The following ARPC1A variants were observed in gnomAD, a reference collection of about 807,000 sequenced individuals.
ARPC1A encodes actin related protein 2/3 complex subunit 1A, also known as actin-related protein 2/3 complex subunit 1A.
In ARPC1A, 8 loss-of-function variants were observed where a neutral mutation model predicts 46.9. That is an observed-to-expected ratio of 0.17 (90% CI 0.10 to 0.31). The LOEUF is 0.31. Among genes scored for constraint, ARPC1A ranks in the 10% least tolerant of loss-of-function variants. The probability of loss-of-function intolerance (pLI) is 1.00; values close to 1 mark genes in which losing one functional copy is unlikely to be tolerated. For missense variants in ARPC1A, 286 were observed against 483.6 expected, an observed-to-expected ratio of 0.59 and a Z score of 3.83; for synonymous variants, 152 against 169.0, an observed-to-expected ratio of 0.90 and a Z score of 0.78.
intron 1 of ARPC1A, 99 bp from the exon 2 acceptor site, chr7:99,333,226 A>G (rs1394491549): frequency 1.0e-5 from 8 of 776,338 alleles, no homozygotes; most frequent in Non-Finnish European, 1.7e-5. Context: ...ACAATGTTTT[A>G]TTTATTTCCG....
intron 5 of ARPC1A, among the ~76,000 whole-genome samples, chr7:99,350,631 CTTTTTTTTTTT>C (rs540737612): frequency 5.9e-5 from 4 of 67,536 alleles, no homozygotes; most frequent in African/African-American, 1.0e-4. Context: ...ATGAGGTGCA[CTTTTTTTTTTT>C]TTTTTTTTTT....
rs549930978 is a variant in ARPC1A, at chr7:99,344,240, G to A, written c.170-53G>A. ...CCAGTGCCACCCACCTGCCTGTGCCGCAGTTGTTTGTCATTGACTGGGCAA... is the reference window on the plus strand; with the variant it reads ...CCAGTGCCACCCACCTGCCTGTGCCACAGTTGTTTGTCATTGACTGGGCAA... On this transcript the variant is annotated intron_variant, in intron 3 of 9. Transcript: ENST00000262942. 137 of 1,569,342 alleles carry A rather than the reference G, an allele frequency of 8.7e-5. 1 individual carries two copies. In the South Asian group the frequency reaches 1.2e-3, roughly 14 times the overall value.
intron 6 of ARPC1A, among the ~76,000 whole-genome samples, chr7:99,355,114 CAA>C (rs76934314): frequency 3.6e-4 from 31 of 85,354 alleles, no homozygotes; most frequent in Non-Finnish European, 3.9e-4. Context: ...AACTCCGTCT[CAA>C]AAAAAAAAAA....
chr7:99,334,443 G>A (rs989785079), intron 2 of ARPC1A, among the ~76,000 whole-genome samples: 40 of 151,932 alleles, frequency 2.6e-4, no homozygotes, highest in Admixed American at 2.5e-3. Flanking sequence ...GTCCAATTTC[G>A]CTTATTTTTC....
At chr7:99,330,507 G>A (rs1793128226) in intron 1 of ARPC1A, among the ~76,000 whole-genome samples, 1 of 152,098 alleles carries the variant, frequency 6.6e-6, no homozygotes, top group South Asian at 2.1e-4. Context: ...TAGAGATAGG[G>A]TTTCGCCATG....
intron 1 of ARPC1A, 79 bp from the exon 2 acceptor site, chr7:99,333,246 A>G (rs1234557590): frequency 2.3e-6 from 2 of 882,734 alleles, no homozygotes; most frequent in Admixed American, 2.2e-5. Context: ...GAACATCTTA[A>G]GATCCTCAGG....
Position 99,358,426 on chromosome 7 carries a change from T to A in ARPC1A, c.789+11T>A, listed in dbSNP as rs1248791490. 6.2e-7 allele frequency: 1 copy of A among 1,612,382 alleles called. No individual in the cohort carries two copies. The highest frequency in any genetic ancestry group is 1.3e-5 in the African/African-American group (1 of 74,962). On this transcript the variant is annotated intron_variant, in intron 7 of 9. Coordinates refer to ENST00000262942, the MANE Select transcript of ARPC1A (RefSeq NM_006409.4). ...AGCGTCGTGGCTGCTGTGAGTATTT[T>A]TCTTCATTCTCCCTCGGGGTGCACT...
chr7:99,355,881 T>C (rs1349914712), intron 6 of ARPC1A, among the ~76,000 whole-genome samples: 1 of 152,196 alleles, frequency 6.6e-6, no homozygotes. Flanking sequence ...AATTTGAGCC[T>C]TCCATTCAGT....
intron 8 of ARPC1A, among the ~76,000 whole-genome samples, chr7:99,361,375 G>T (rs907053888): frequency 2.0e-5 from 3 of 151,000 alleles, no homozygotes; most frequent in Non-Finnish European, 4.4e-5. Flanking sequence ...GTGTTGGCAC[G>T]CACCTGTAGT....
At chr7:99,354,197 TC>T (rs1793594081) in intron 6 of ARPC1A, 76 bp downstream of exon 6, 1 of 1,509,552 alleles carries the variant, frequency 6.6e-7, no homozygotes, top group South Asian at 1.2e-5. Context: ...GGACTGCCCT[TC>T]CTGGGGTGTT....
intron 4 of ARPC1A, among the ~76,000 whole-genome samples, chr7:99,345,721 A>G (rs773449759): frequency 5.2e-4 from 79 of 152,276 alleles, no homozygotes; most frequent in Middle Eastern, 6.8e-3. Context: ...ATATCCTTCA[A>G]CGTAAAGTTG....
rs149440765 is a variant in ARPC1A, at chr7:99,340,896, G to A, written c.169+2611G>A. Among the ~76,000 whole-genome samples the A allele has an allele frequency of 1.0e-3, 159 of 152,228 alleles. 1 individual carries two copies. Among genetic ancestry groups the A allele is most frequent in the Non-Finnish European group, 1.7e-3 (113 of 68,028 alleles). On this transcript the variant is annotated intron_variant, in intron 3 of 9. Coordinates refer to ENST00000262942, the MANE Select transcript of ARPC1A (RefSeq NM_006409.4). ...TTTCCAAAGCAGCACCAAAGACAGCGTTTCTATTTTTGTTGCTGTTCCTTT... is the reference window on the plus strand; with the variant it reads ...TTTCCAAAGCAGCACCAAAGACAGCATTTCTATTTTTGTTGCTGTTCCTTT...
chr7:99,359,472 G>T, intron 7 of ARPC1A, 73 bp from the exon 8 acceptor site: 2 of 1,440,674 alleles, frequency 1.4e-6, no homozygotes, highest in South Asian at 1.2e-5. Context: ...GAGGCCTGTC[G>T]TGGTGAACAC....
intron 5 of ARPC1A, among the ~76,000 whole-genome samples, chr7:99,353,448 G>A (rs1425682290): frequency 1.4e-5 from 2 of 139,454 alleles, no homozygotes; most frequent in Non-Finnish European, 3.0e-5. Flanking sequence ...ATGAGCCACC[G>A]CACCCAGCCT....
chr7:99,360,227 T>A (rs972848719), intron 8 of ARPC1A: 1 of 172,468 alleles, frequency 5.8e-6, no homozygotes, highest in Non-Finnish European at 1.3e-5. Context: ...GAATTTCTTA[T>A]CATCATGATG....
At chr7:99,358,969 C>A (rs1007176315) in intron 7 of ARPC1A, among the ~76,000 whole-genome samples, 5 of 151,914 alleles carry the variant, frequency 3.3e-5, no homozygotes, top group African/African-American at 2.4e-5. Flanking sequence ...GTAGCTGGGA[C>A]TACAGGCGCC....
At chr7:99,340,143 T>C (rs1793333493) in intron 3 of ARPC1A, 3 of 397,262 alleles carry the variant, frequency 7.6e-6, no homozygotes, top group Non-Finnish European at 4.9e-6. Context: ...TTGTCTTTTT[T>C]CTGTTTTTGT....
chr7:99,355,282 CA>C (rs201999341), intron 6 of ARPC1A, among the ~76,000 whole-genome samples: 2 of 145,162 alleles, frequency 1.4e-5, no homozygotes, highest in East Asian at 2.0e-4. Context: ...AACTATGTCT[CA>C]AAAAAAAAAC....
intron 8 of ARPC1A, among the ~76,000 whole-genome samples, chr7:99,362,589 A>G (rs1261249670): frequency 7.0e-6 from 1 of 142,654 alleles, no homozygotes; most frequent in Non-Finnish European, 1.5e-5. Context: ...TGATCTGCCC[A>G]CCTCGGCCTC....
Sources: gnomAD v4.1 joint callset for allele counts (sites outside exome capture counted in the v4.1 genomes callset) on GRCh38, gnomAD v4.1.1 for gene constraint, MANE v1.5 for transcripts, NCBI Gene and HGNC (gene_info 2026-07-23, HGNC 2026-07-21) for gene names.